Variants in CD226 observed in about 807,000 individuals in gnomAD.
CD226 encodes the protein CD226 molecule, also known as CD226 antigen.
Under a neutral mutation model 34.9 loss-of-function variants are expected in CD226, and 24 were observed. That is an observed-to-expected ratio of 0.69 (90% confidence interval 0.50 to 0.97). The LOEUF is 0.97. Among genes scored for constraint, CD226 ranks in the 50% least tolerant of loss-of-function variants. The probability of loss-of-function intolerance (pLI) is 0.00; values close to 1 mark genes in which losing one functional copy is unlikely to be tolerated. For missense variants in CD226, 397 were observed against 412.7 expected, an observed-to-expected ratio of 0.96 and a Z score of 0.33; for synonymous variants, 148 against 147.4, an observed-to-expected ratio of 1.00 and a Z score of -0.03.
rs377656544 is a variant in CD226 at position 69,876,051 on chromosome 18, A to G, written c.728-2805T>C. 3.9e-5 allele frequency among the ~76,000 whole-genome samples: 6 copies of G among 152,346 alleles called. No homozygotes were observed. In the East Asian group the frequency reaches 9.6e-4, roughly 24 times the overall value. On this transcript the variant is annotated intron_variant, in intron 3 of 5. Transcript: ENST00000582621. Reference sequence around the variant, plus strand: ...ATGTTTATATACATCAAATAATCACACTGTATGCCCTGAATATATTCAATC... The same window carrying G: ...ATGTTTATATACATCAAATAATCACGCTGTATGCCCTGAATATATTCAATC...
intron 1 of CD226, 29 bp downstream of exon 1, chr18:69,947,332 T>C: frequency 6.9e-7 from 1 of 1,451,268 alleles, no homozygotes; most frequent in Non-Finnish European, 9.5e-7. Flanking sequence ...AGCAAAACTT[T>C]TAAATGAAAA....
chr18:69,959,902 G>A (rs1040974919), upstream of CD226, among the ~76,000 whole-genome samples: 8 of 152,160 alleles, frequency 5.3e-5, no homozygotes. Context: ...TCCCCGAGTA[G>A]CTGAGCCTGA....
In CD226 at chr18:69,946,723, C is replaced by A; in HGVS notation, c.382+11G>T. The A allele has an allele frequency of 1.1e-5, 16 of 1,464,672 alleles. No individual in the cohort carries two copies. Among genetic ancestry groups the A allele is most frequent in the Admixed American group, 2.2e-5 (1 of 45,364 alleles). 90.7% of individuals were successfully genotyped at this position (1,464,672 alleles called of 1,614,324 possible). ...AAAAGGGATTTAAAAAAAAAAAAAA[C>A]TTGCCCTTACCTGACTGAACCACCT... is the stretch of plus-strand genomic sequence containing the variant. On this transcript the variant is annotated intron_variant, in intron 2 of 5. Coordinates refer to ENST00000582621, the MANE Select transcript of CD226 (RefSeq NM_001303618.2).
intron 2 of CD226, among the ~76,000 whole-genome samples, chr18:69,911,519 A>T (rs1305484684): frequency 1.3e-5 from 2 of 152,220 alleles, no homozygotes; most frequent in African/African-American, 2.4e-5. Flanking sequence ...CCATGTTCAC[A>T]GAGTGGGCAC....
At chr18:69,940,599 G>A (rs1803290385) in intron 2 of CD226, among the ~76,000 whole-genome samples, 1 of 136,834 alleles carries the variant, frequency 7.3e-6, no homozygotes. Context: ...AGAGTTTGGT[G>A]GCATTTTGCC....
At chr18:69,873,922 T>C (rs1161010487) in intron 3 of CD226, among the ~76,000 whole-genome samples, 1 of 152,120 alleles carries the variant, frequency 6.6e-6, no homozygotes, top group Admixed American at 6.5e-5. Flanking sequence ...GCCTGATATA[T>C]TAAGTACATT....
At position 69,861,554 on chromosome 18, in the gene CD226, G is replaced by GTGTATATATATATA. The variant is rs59216052; in HGVS notation, c.*2759_*2760insTATATATATATACA. The GTGTATATATATATA allele has an allele frequency of 3.2e-3, 413 of 127,948 alleles. 3 individuals carry two copies. Among genetic ancestry groups the GTGTATATATATATA allele is most frequent in the Non-Finnish European group, 5.6e-3 (340 of 60,352 alleles). 7.9% of individuals were successfully genotyped at this position (127,948 alleles called of 1,614,324 possible). ...ATAAATTATATGTGTATATATATAT[G>GTGTATATATATATA]TATATATATATATATATATGTAAAA... On this transcript the variant is annotated 3_prime_UTR_variant, in exon 6 of 6. Transcript: ENST00000582621.
At chr18:69,908,735 A>C (rs574758979) in intron 2 of CD226, among the ~76,000 whole-genome samples, 24 of 152,358 alleles carry the variant, frequency 1.6e-4, no homozygotes, top group African/African-American at 5.8e-4. Context: ...AGGACAAAGC[A>C]CATGTTCTTT....
intron 2 of CD226, among the ~76,000 whole-genome samples, chr18:69,939,626 T>C (rs1047863851): frequency 1.3e-5 from 2 of 152,226 alleles, no homozygotes; most frequent in Non-Finnish European, 2.9e-5. Context: ...AGTAGAATTA[T>C]TGGATCATAG....
chr18:69,950,042 ACT>A (rs1350416433), upstream of CD226, among the ~76,000 whole-genome samples: 8 of 151,244 alleles, frequency 5.3e-5, no homozygotes, highest in African/African-American at 1.7e-4. Context: ...GTGCACACAT[ACT>A]CTCAAACACG....
intron 5 of CD226, among the ~76,000 whole-genome samples, chr18:69,865,008 T>C (rs1983052000): frequency 6.6e-6 from 1 of 152,184 alleles, no homozygotes; most frequent in African/African-American, 2.4e-5. Flanking sequence ...TGTTGGTTTT[T>C]TTGAGTCAGA....
chr18:69,900,715 G>A (rs2145258919), intron 2 of CD226, among the ~76,000 whole-genome samples: 1 of 145,648 alleles, frequency 6.9e-6, no homozygotes, highest in South Asian at 2.2e-4. Flanking sequence ...GTCCGGCCTG[G>A]GCGACAGAGC....
chr18:69,856,551 C>T lies in CD226; in HGVS notation c.*7763G>A, dbSNP rs1041101782. 3.0e-4 allele frequency: 45 copies of T among 152,044 alleles called. No homozygotes were observed. Among genetic ancestry groups the T allele is most frequent in the African/African-American group, 9.9e-4 (41 of 41,398 alleles). 9.4% of individuals were successfully genotyped at this position (152,044 alleles called of 1,614,324 possible). A position where few individuals can be genotyped will look rare whatever the true frequency, so the allele number is the denominator to read the frequency against. On this transcript the variant is annotated 3_prime_UTR_variant, in exon 6 of 6. Coordinates refer to ENST00000582621, the MANE Select transcript of CD226 (RefSeq NM_001303618.2). ...AACATTCTACAAGATAGACCATATT[C>T]TGGGCCATAAAATACACCTGAAAAA...
At chr18:69,875,976 C>T (rs111942011) in intron 3 of CD226, among the ~76,000 whole-genome samples, 33 of 152,248 alleles carry the variant, frequency 2.2e-4, no homozygotes, top group African/African-American at 7.7e-4. Flanking sequence ...ACCTACTATA[C>T]AGTATGGATG....
intron 2 of CD226, among the ~76,000 whole-genome samples, chr18:69,912,671 A>T (rs2055340048): frequency 6.6e-6 from 1 of 152,186 alleles, no homozygotes; most frequent in Admixed American, 6.6e-5. Context: ...TTTAGGTCTG[A>T]TTAATAATAA....
At chr18:69,919,144 C>T (rs944868716) in intron 2 of CD226, among the ~76,000 whole-genome samples, 2 of 152,180 alleles carry the variant, frequency 1.3e-5, no homozygotes, top group African/African-American at 2.4e-5. Flanking sequence ...AGAAAATGTT[C>T]GGACAGTTGA....
At chr18:69,879,780 T>C (rs1984104283) in intron 3 of CD226, among the ~76,000 whole-genome samples, 1 of 152,202 alleles carries the variant, frequency 6.6e-6, no homozygotes, top group South Asian at 2.1e-4. Flanking sequence ...TCTTCACAAT[T>C]TAAATTCTTC....
intron 4 of CD226, 30 bp downstream of exon 4, chr18:69,873,114 A>G (rs771657088): frequency 5.2e-6 from 6 of 1,164,906 alleles, no homozygotes; most frequent in Non-Finnish European, 7.8e-6. Context: ...AACATGGTGA[A>G]TAAGATTCAG....
intron 4 of CD226, among the ~76,000 whole-genome samples, chr18:69,869,136 C>G (rs1160626948): frequency 6.6e-6 from 1 of 152,140 alleles, no homozygotes; most frequent in Non-Finnish European, 1.5e-5. Context: ...CCATTTGACC[C>G]AGCAGCGCCA....
Sources: gnomAD v4.1 joint callset for allele counts (sites outside exome capture counted in the v4.1 genomes callset) on GRCh38, gnomAD v4.1.1 for gene constraint, MANE v1.5 for transcripts, NCBI Gene and HGNC (gene_info 2026-07-23, HGNC 2026-07-21) for gene names.